VSIG10: variants seen among roughly 807,000 people sequenced by gnomAD.
VSIG10 encodes the protein V-set and immunoglobulin domain-containing protein 10.
A neutral mutation model predicts 58.7 loss-of-function variants in VSIG10; 48 were observed. That is an observed-to-expected ratio of 0.82 (90% CI 0.65 to 1.04). VSIG10 has a LOEUF of 1.04. Ranked by LOEUF, VSIG10 falls within the 50% of genes least tolerant of loss-of-function variation. The probability of loss-of-function intolerance (pLI) is 0.00; values close to 1 mark genes in which losing one functional copy is unlikely to be tolerated. For synonymous variants in VSIG10, 260 were observed against 267.1 expected, an observed-to-expected ratio of 0.97 and a Z score of 0.26; for missense variants, 628 against 670.0, an observed-to-expected ratio of 0.94 and a Z score of 0.69.
chr12:118,070,561 A>AG (rs2032450317), intron 7 of VSIG10, among the ~76,000 whole-genome samples: 1 of 151,704 alleles, frequency 6.6e-6, no homozygotes, highest in African/African-American at 2.4e-5. Context: ...AAAAAAAAAA[A>AG]AAAGAAAAAA....
intron 5 of VSIG10, among the ~76,000 whole-genome samples, chr12:118,072,715 A>C (rs2032547580): frequency 6.6e-6 from 1 of 151,550 alleles, no homozygotes; most frequent in Non-Finnish European, 1.5e-5. Context: ...ATAAAAAGAA[A>C]TAAGTAGAGA....
chr12:118,082,198 T>C lies in VSIG10; in HGVS notation c.593A>G (p.Asn198Ser), dbSNP rs2032979425. ...CTGATTCAAGGCTAAACAGGTGTAG[T>C]TCCCTTGGAGGTTTGGCGATATCAG... is the stretch of plus-strand genomic sequence containing the variant. ...LLLISPNLQG[N>S]YTCLALNQLS... is the part of the protein sequence containing the mutation. The change falls in exon 3 of 9, where the codon AAC (asparagine) becomes AGC (serine). Residue 198 changes from asparagine (N) to serine (S), a missense_variant. Physicochemically the swap from Asn to Ser is conservative, Grantham distance 46. Coordinates refer to ENST00000359236, the MANE Select transcript of VSIG10 (RefSeq NM_019086.6). 1.2e-6 allele frequency: 2 copies of C among 1,613,762 alleles called. No homozygotes were observed. The highest frequency in any genetic ancestry group is 1.7e-5 in the Admixed American group (1 of 59,978).
chr12:118,077,788 A>G (rs796970265), intron 4 of VSIG10, among the ~76,000 whole-genome samples: 29 of 152,320 alleles, frequency 1.9e-4, no homozygotes, highest in African/African-American at 7.0e-4. Context: ...GAGAAGAAAT[A>G]GTTGCCAGGC....
chr12:118,092,751 T>A (rs1198823532), intron 2 of VSIG10, among the ~76,000 whole-genome samples: 1 of 150,520 alleles, frequency 6.6e-6, no homozygotes, highest in Non-Finnish European at 1.5e-5. Context: ...TCCTCCCACC[T>A]CAGCCTCCTG....
At chr12:118,075,454 C>T (rs1164652812) in intron 4 of VSIG10, among the ~76,000 whole-genome samples, 2 of 152,128 alleles carry the variant, frequency 1.3e-5, no homozygotes, top group African/African-American at 4.8e-5. Flanking sequence ...CTCCCAGGTT[C>T]AAGTGATTCT....
At chr12:118,081,004 G>A (rs2032929121) in intron 3 of VSIG10, among the ~76,000 whole-genome samples, 1 of 152,100 alleles carries the variant, frequency 6.6e-6, no homozygotes, top group Non-Finnish European at 1.5e-5. Flanking sequence ...ACTTTAGGAG[G>A]CTGAGGTGAG....
At chr12:118,078,227 C>T (rs1005157794) in intron 4 of VSIG10, among the ~76,000 whole-genome samples, 2 of 152,146 alleles carry the variant, frequency 1.3e-5, no homozygotes, top group Non-Finnish European at 2.9e-5. Context: ...GGTGCGATCT[C>T]GGCTCACTGG....
chr12:118,095,402 G>T, intron 2 of VSIG10, 131 bp downstream of exon 2: 1 of 1,186,548 alleles, frequency 8.4e-7, no homozygotes, highest in Non-Finnish European at 1.2e-6. Context: ...AGGTCCCTCA[G>T]CTTCCATGTG....
chr12:118,100,057 T>G (rs769666551), intron 1 of VSIG10, among the ~76,000 whole-genome samples: 1 of 152,224 alleles, frequency 6.6e-6, no homozygotes. Flanking sequence ...CAAGAAATGC[T>G]TCTGAGCAAT....
At position 118,071,433 on chromosome 12, in the gene VSIG10, A is replaced by G; in HGVS notation, c.1256T>C (p.Val419Ala). 1 of 1,612,224 alleles carries G rather than the reference A, an allele frequency of 6.2e-7. No homozygotes were observed. Among genetic ancestry groups the G allele is most frequent in the African/African-American group, 1.3e-5 (1 of 75,028 alleles). The change falls in exon 6 of 9, where the codon GTG (valine) becomes GCG (alanine). Residue 419 changes from valine (V) to alanine (A), a missense_variant. Val to Ala is a moderately conservative substitution (Grantham distance 64, BLOSUM62 0). Transcript: ENST00000359236. ...GGCCAGTCCCAGCAGAAGGAGGCTC[A>G]CAATGGTTCCCACAATCCCCCCGAT... is the stretch of plus-strand genomic sequence containing the variant. Reference protein sequence around the residue: ...LNIGGIVGTIVSLLLLGLAII... With the variant: ...LNIGGIVGTIASLLLLGLAII...
At chr12:118,098,778 C>T (rs1361775978) in intron 1 of VSIG10, among the ~76,000 whole-genome samples, 4 of 152,080 alleles carry the variant, frequency 2.6e-5, no homozygotes, top group Non-Finnish European at 5.9e-5. Context: ...GATCGGCAGC[C>T]GCAGCATGTT....
At chr12:118,079,770 G>C (rs2032877049) in intron 3 of VSIG10, among the ~76,000 whole-genome samples, 164 bp from the exon 4 acceptor site, 1 of 152,212 alleles carries the variant, frequency 6.6e-6, no homozygotes, top group South Asian at 2.1e-4. Context: ...CAACAGTCAG[G>C]CTTCCTCTGT....
intron 2 of VSIG10, among the ~76,000 whole-genome samples, chr12:118,087,567 T>A (rs945858215): frequency 1.3e-5 from 2 of 151,792 alleles, no homozygotes; most frequent in Admixed American, 1.3e-4. Context: ...CTGGGCGAGG[T>A]GGTTCATATC....
intron 7 of VSIG10, among the ~76,000 whole-genome samples, chr12:118,069,274 G>A (rs1181901520): frequency 1.3e-5 from 2 of 151,584 alleles, no homozygotes; most frequent in Non-Finnish European, 1.5e-5. Context: ...ATTTTTAGTA[G>A]AGACATGGTT....
rs375627433 is a variant in VSIG10 at position 118,079,437 on chromosome 12, G to A, written c.834C>T (p.Ser278=). ...TCTTGCCATCCGACAGCTGGGACTC[G>A]CTCAGCATTTCCACCCCCAGCTTTG... is the stretch of plus-strand genomic sequence containing the variant. ...GKSKLGVEML[S]ESQLSDGKKF... Residue 278 remains serine, a synonymous_variant, in exon 4 of 9, where the codon AGC becomes AGT. Transcript: ENST00000359236. 26 of 1,613,836 alleles carry A rather than the reference G, an allele frequency of 1.6e-5. No individual in the cohort carries two copies. Among genetic ancestry groups the A allele is most frequent in the African/African-American group, 6.7e-5 (5 of 74,898 alleles).
At position 118,094,659 on chromosome 12, in the gene VSIG10, AG is replaced by A. The variant is rs556658009; in HGVS notation, c.361+873del. Among the ~76,000 whole-genome samples the A allele has an allele frequency of 1.1e-4, 16 of 152,252 alleles. No homozygotes were observed. The South Asian group carries it at 3.1e-3, about 30-fold the overall frequency. On this transcript the variant is annotated intron_variant, in intron 2 of 8. Transcript: ENST00000359236. Reference sequence around the variant, plus strand: ...TGACCTCCCAAAGTGCTGGAATTACAGGCATGAGCCACCATGCCTGGCCTAA... The same window carrying A: ...TGACCTCCCAAAGTGCTGGAATTACAGCATGAGCCACCATGCCTGGCCTAA...
intron 1 of VSIG10, chr12:118,101,542 C>T (rs1426814582): frequency 6.6e-6 from 1 of 152,100 alleles, no homozygotes; most frequent in Non-Finnish European, 1.5e-5. Flanking sequence ...CAATAGAGAA[C>T]CGAAGAGGGA....
chr12:118,082,665 T>C (rs1032040065), intron 2 of VSIG10, among the ~76,000 whole-genome samples: 5 of 152,022 alleles, frequency 3.3e-5, no homozygotes, highest in African/African-American at 1.2e-4. Context: ...AAAGTATACA[T>C]TGCTCCTTTA....
Position 118,071,077 on chromosome 12 carries a change from G to A in VSIG10, c.1331-10C>T, listed in dbSNP as rs760791690. 2 of 1,594,780 alleles carry A rather than the reference G, an allele frequency of 1.3e-6. No homozygotes were observed. The highest frequency in any genetic ancestry group is 2.3e-5 in the South Asian group (2 of 87,752). ...CTGGAAGTGTTTCCTACTGAAGAGA[G>A]AAAGGAAAAACCATTAATATCCAGT... On this transcript the variant is annotated splice_polypyrimidine_tract_variant and intron_variant, in intron 6 of 8. Transcript: ENST00000359236.
Sources: allele counts gnomAD v4.1 joint callset (sites outside exome capture counted in the v4.1 genomes callset), GRCh38; gene constraint gnomAD v4.1.1; transcripts MANE v1.5; gene names NCBI Gene and HGNC (gene_info 2026-07-23, HGNC 2026-07-21).